Variants in NCOA1 observed in about 807,000 individuals in gnomAD.
The protein encoded by NCOA1 is nuclear receptor coactivator 1.
NCOA1 carries 35 observed loss-of-function variants against 150.9 expected under a neutral mutation model. That is an observed-to-expected ratio of 0.23 (90% CI 0.18 to 0.31). The LOEUF (loss-of-function observed/expected upper bound fraction) is 0.31, where lower values mean the gene tolerates loss of function less well. Among genes scored for constraint, NCOA1 ranks in the 10% least tolerant of loss-of-function variants. The pLI, the probability that NCOA1 is intolerant of heterozygous loss-of-function variation, is 1.00. For synonymous variants in NCOA1, 590 were observed against 630.0 expected, an observed-to-expected ratio of 0.94 and a Z score of 0.95; for missense variants, 1,491 against 1,749.3, an observed-to-expected ratio of 0.85 and a Z score of 2.63.
intron 19 of NCOA1, among the ~76,000 whole-genome samples, chr2:24,742,536 A>G (rs940304550): frequency 1.3e-5 from 2 of 151,150 alleles, no homozygotes; most frequent in African/African-American, 2.4e-5. Flanking sequence ...AGCTCACTGC[A>G]TCCTCCACCT....
At chr2:24,630,088 G>T (rs983825473) in intron 3 of NCOA1, among the ~76,000 whole-genome samples, 1 of 151,812 alleles carries the variant, frequency 6.6e-6, no homozygotes, top group African/African-American at 2.4e-5. Flanking sequence ...CTCGTGATCC[G>T]CCCGTCTCGG....
intron 1 of NCOA1, among the ~76,000 whole-genome samples, chr2:24,534,131 G>A (rs1182193995): frequency 6.6e-6 from 1 of 152,054 alleles, no homozygotes; most frequent in Non-Finnish European, 1.5e-5. Context: ...GCCTGTTATT[G>A]GTCTATTCAG....
intron 7 of NCOA1, among the ~76,000 whole-genome samples, 180 bp downstream of exon 7, chr2:24,673,643 A>G (rs772852595): frequency 6.6e-6 from 1 of 152,232 alleles, no homozygotes; most frequent in South Asian, 2.1e-4. Flanking sequence ...TCAAAAGTGA[A>G]TAATGAACAT....
In NCOA1 at chr2:24,527,818, T is replaced by C. The variant is rs187167987; in HGVS notation, c.-396+36216T>C. ...AAAGGTTCCCTTTTCTCCATACCGTTGCCAACACTTGTTATCTCTTTCCTT... is the reference window on the plus strand; with the variant it reads ...AAAGGTTCCCTTTTCTCCATACCGTCGCCAACACTTGTTATCTCTTTCCTT... On this transcript the variant is annotated intron_variant, in intron 1 of 22. Coordinates refer to ENST00000348332, the MANE Select transcript of NCOA1 (RefSeq NM_003743.5). Among the ~76,000 whole-genome samples, 43 of 152,320 alleles carry C rather than the reference T, an allele frequency of 2.8e-4. 1 individual carries two copies. The highest frequency in any genetic ancestry group is 1.0e-3 in the African/African-American group (43 of 41,576).
chr2:24,716,821 A>T (rs538855841), intron 14 of NCOA1, among the ~76,000 whole-genome samples: 1 of 152,230 alleles, frequency 6.6e-6, no homozygotes, highest in Non-Finnish European at 1.5e-5. Context: ...AATTCTACCA[A>T]ACATTTAAGG....
intron 3 of NCOA1, among the ~76,000 whole-genome samples, chr2:24,629,061 C>T (rs1669557811): frequency 6.6e-6 from 1 of 151,794 alleles, no homozygotes; most frequent in African/African-American, 2.4e-5. Flanking sequence ...TTTTGGGTAG[C>T]AGCAGTTGAA....
intron 14 of NCOA1, among the ~76,000 whole-genome samples, chr2:24,724,406 A>AT (rs1229428803): frequency 1.3e-5 from 2 of 152,170 alleles, no homozygotes; most frequent in African/African-American, 2.4e-5. Flanking sequence ...ATACCTTCAC[A>AT]TTTTTTACAG....
intron 1 of NCOA1, among the ~76,000 whole-genome samples, chr2:24,551,057 T>C (rs1665810705): frequency 6.7e-6 from 1 of 149,358 alleles, no homozygotes; most frequent in South Asian, 2.1e-4. Context: ...ATTGTGCCAC[T>C]GCACTCCAGC....
intron 1 of NCOA1, among the ~76,000 whole-genome samples, chr2:24,553,407 C>G (rs746643676): frequency 1.3e-5 from 2 of 151,966 alleles, no homozygotes; most frequent in African/African-American, 4.8e-5. Context: ...TTAGTAGAGA[C>G]GGGGTTTCAC....
At position 24,576,163 on chromosome 2, in the gene NCOA1, GTTTTTTGTTTTTTT is replaced by G. The variant is rs1666963937; in HGVS notation, c.-259-8306_-259-8293del. On this transcript the variant is annotated intron_variant, in intron 2 of 22. Transcript: ENST00000348332. ...ATTTGGCCTTTGTTTTTTTTTTTTT[GTTTTTTGTTTTTTT>G]TTTTTTTTTTTTTTGTTTGCTAGTC... Among the ~76,000 whole-genome samples, 28 of 92,706 alleles carry G rather than the reference GTTTTTTGTTTTTTT, an allele frequency of 3.0e-4. No homozygotes were observed. The South Asian group carries it at 4.4e-3, about 15-fold the overall frequency. 60.8% of individuals were successfully genotyped at this position (92,706 alleles called of 152,430 possible).
At chr2:24,582,757 C>T (rs1667249241) in intron 2 of NCOA1, among the ~76,000 whole-genome samples, 1 of 152,088 alleles carries the variant, frequency 6.6e-6, no homozygotes, top group Non-Finnish European at 1.5e-5. Flanking sequence ...TAAAAACAGA[C>T]ACATAGACCA....
chr2:24,685,391 G>T (rs1210910061), intron 8 of NCOA1, among the ~76,000 whole-genome samples: 1 of 152,162 alleles, frequency 6.6e-6, no homozygotes, highest in South Asian at 2.1e-4. Flanking sequence ...TACTTGCACA[G>T]ATGGTTATAA....
At chr2:24,686,435 A>C (rs1672409344) in intron 8 of NCOA1, among the ~76,000 whole-genome samples, 5 of 152,154 alleles carry the variant, frequency 3.3e-5, no homozygotes, top group Admixed American at 3.3e-4. Context: ...TTATCCTTTT[A>C]AAGAGGAATC....
chr2:24,764,294 G>T (rs953798557), intron 22 of NCOA1, among the ~76,000 whole-genome samples: 1 of 152,196 alleles, frequency 6.6e-6, no homozygotes, highest in African/African-American at 2.4e-5. Context: ...GTTAGGGACT[G>T]CTGAAAGATA....
chr2:24,501,033 T>C (rs1022203896), intron 1 of NCOA1, among the ~76,000 whole-genome samples: 3 of 152,242 alleles, frequency 2.0e-5, no homozygotes, highest in Non-Finnish European at 4.4e-5. Flanking sequence ...AAGAGCTGTT[T>C]AGTGATTTTG....
At chr2:24,694,823 TA>T (rs1452547746) in intron 10 of NCOA1, among the ~76,000 whole-genome samples, 16 of 152,016 alleles carry the variant, frequency 1.1e-4, no homozygotes, top group African/African-American at 3.9e-4. Flanking sequence ...TAAATTTTTT[TA>T]AAATTTTTTT....
At chr2:24,516,943 CGTAT>C (rs1664203594) in intron 1 of NCOA1, among the ~76,000 whole-genome samples, 1 of 116,806 alleles carries the variant, frequency 8.6e-6, no homozygotes. Flanking sequence ...TATATATATA[CGTAT>C]ATATACAAGT....
intron 3 of NCOA1, among the ~76,000 whole-genome samples, chr2:24,608,375 G>C (rs548574953): frequency 9.5e-4 from 143 of 150,880 alleles, no homozygotes; most frequent in Non-Finnish European, 1.9e-3. Flanking sequence ...CCGCCTCCTG[G>C]GTTCAAGCAA....
At chr2:24,766,771 A>G (rs918747592) in intron 22 of NCOA1, among the ~76,000 whole-genome samples, 3 of 152,028 alleles carry the variant, frequency 2.0e-5, no homozygotes, top group African/African-American at 7.2e-5. Context: ...CTCTAGAAGG[A>G]AAGAGTCAGA....
Sources: allele counts gnomAD v4.1 joint callset (sites outside exome capture counted in the v4.1 genomes callset), GRCh38; gene constraint gnomAD v4.1.1; transcripts MANE v1.5; gene names NCBI Gene and HGNC (gene_info 2026-07-23, HGNC 2026-07-21).